Variants in MACROD2 observed in about 807,000 individuals in gnomAD.
MACROD2 encodes the protein ADP-ribose glycohydrolase MACROD2.
A neutral mutation model predicts 70.4 loss-of-function variants in MACROD2; 36 were observed. The ratio of observed to expected loss-of-function variants is 0.51; its 90% CI spans 0.39 to 0.68. The LOEUF is 0.68. Ranked by LOEUF, MACROD2 falls within the 30% of genes least tolerant of loss-of-function variation. The pLI is 0.00. For missense variants in MACROD2, 496 were observed against 538.4 expected (o/e 0.92, Z 0.78); for synonymous variants, 172 against 178.8 (o/e 0.96, Z 0.30).
chr20:13,998,758 A>G (rs2052694880), intron 1 of MACROD2, among the ~76,000 whole-genome samples: 1 of 151,914 alleles, frequency 6.6e-6, no homozygotes, highest in Non-Finnish European at 1.5e-5. Context: ...GATTGAGACC[A>G]TCCTGGGGAA....
At chr20:15,915,682 G>C (rs73103542) in intron 10 of MACROD2, among the ~76,000 whole-genome samples, 20,735 of 152,188 alleles carry the variant, frequency 0.14, 1,571 homozygotes, top group South Asian at 0.28. Context: ...GGGTGTGGGG[G>C]TGTAGGGAGG....
intron 3 of MACROD2, among the ~76,000 whole-genome samples, chr20:14,393,974 G>A (rs982701856): frequency 6.6e-6 from 1 of 152,248 alleles, no homozygotes; most frequent in East Asian, 1.9e-4. Context: ...CAGGAAGAGG[G>A]CCGTCACTAA....
chr20:14,264,594 T>A (rs1258183946), intron 3 of MACROD2, among the ~76,000 whole-genome samples: 10 of 152,132 alleles, frequency 6.6e-5, no homozygotes, highest in Admixed American at 3.9e-4. Context: ...GTGATACACT[T>A]GATATGTGTC....
rs543262297 is a variant in MACROD2, at chr20:15,023,438, A to C, written c.419-206502A>C. 1.2e-3 allele frequency among the ~76,000 whole-genome samples: 190 copies of C among 152,198 alleles called. 1 individual carries two copies. The highest frequency in any genetic ancestry group is 4.1e-3 in the African/African-American group (171 of 41,538). On this transcript the variant is annotated intron_variant, in intron 5 of 17. Coordinates refer to ENST00000684519, the MANE Select transcript of MACROD2 (RefSeq NM_001351661.2). The stretch of plus-strand genomic sequence containing the variant: ...CCAGAGAGGGCATGCTTTCCTAATC[A>C]CATAGAAGCAGCACGGGCTAGGCTG...
At chr20:15,128,667 G>C (rs1264078385) in intron 5 of MACROD2, among the ~76,000 whole-genome samples, 1 of 152,022 alleles carries the variant, frequency 6.6e-6, no homozygotes, top group Admixed American at 6.6e-5. Context: ...GCTTTTGAAA[G>C]TAATTATTCT....
At chr20:14,468,802 G>A (rs1185535013) in intron 3 of MACROD2, among the ~76,000 whole-genome samples, 5 of 152,140 alleles carry the variant, frequency 3.3e-5, no homozygotes, top group South Asian at 2.1e-4. Context: ...GAGCTGTCAC[G>A]CCCAGCCTCT....
At chr20:15,291,657 C>T (rs2077541810) in intron 6 of MACROD2, among the ~76,000 whole-genome samples, 1 of 151,892 alleles carries the variant, frequency 6.6e-6, no homozygotes, top group South Asian at 2.1e-4. Context: ...TGCAGGTGCA[C>T]AGGAAATGAA....
At chr20:15,498,713 G>T (rs1425276520) in intron 7 of MACROD2, among the ~76,000 whole-genome samples, 1 of 152,108 alleles carries the variant, frequency 6.6e-6, no homozygotes, top group African/African-American at 2.4e-5. Context: ...TTTGTTTTGG[G>T]ATGATAAAAA....
At chr20:14,927,417 C>T (rs572876655) in intron 5 of MACROD2, among the ~76,000 whole-genome samples, 2 of 152,248 alleles carry the variant, frequency 1.3e-5, no homozygotes, top group Non-Finnish European at 2.9e-5. Context: ...CTGCTATTAC[C>T]CACATATTGT....
chr20:14,183,655 C>T (rs969555070), intron 3 of MACROD2, among the ~76,000 whole-genome samples: 7 of 152,106 alleles, frequency 4.6e-5, no homozygotes, highest in Admixed American at 2.0e-4. Flanking sequence ...ATAAATTATA[C>T]AGTGTATAAG....
At chr20:15,962,786 T>C (rs1426783139) in intron 12 of MACROD2, among the ~76,000 whole-genome samples, 1 of 152,194 alleles carries the variant, frequency 6.6e-6, no homozygotes, top group Non-Finnish European at 1.5e-5. Flanking sequence ...TGACCAACTA[T>C]AGCTCATTTG....
At chr20:14,243,937 A>G (rs2081948899) in intron 3 of MACROD2, among the ~76,000 whole-genome samples, 1 of 152,226 alleles carries the variant, frequency 6.6e-6, no homozygotes, top group Non-Finnish European at 1.5e-5. Context: ...GGCCAGGGCA[A>G]AAACTACATC....
intron 4 of MACROD2, among the ~76,000 whole-genome samples, chr20:14,627,536 G>C (rs745814981): frequency 1.3e-5 from 2 of 152,058 alleles, no homozygotes; most frequent in Non-Finnish European, 2.9e-5. Flanking sequence ...ATTGTTCCTG[G>C]GAATACTCCT....
chr20:15,390,168 T>C (rs1407708373), intron 6 of MACROD2, among the ~76,000 whole-genome samples: 1 of 152,164 alleles, frequency 6.6e-6, no homozygotes, highest in Non-Finnish European at 1.5e-5. Context: ...AAGAGAATGA[T>C]GAAGGAGCTC....
intron 6 of MACROD2, among the ~76,000 whole-genome samples, chr20:15,322,404 T>C (rs2077883106): frequency 7.0e-6 from 1 of 143,528 alleles, no homozygotes; most frequent in Admixed American, 7.0e-5. Context: ...GAGCCACAAA[T>C]AATAAAAAAT....
chr20:15,849,500 G>A (rs571747331), intron 8 of MACROD2, among the ~76,000 whole-genome samples: 17 of 152,260 alleles, frequency 1.1e-4, no homozygotes, highest in African/African-American at 2.4e-4. Flanking sequence ...ACCAGGCTGC[G>A]GAGCCACCTT....
In MACROD2 at chr20:15,955,121, G is replaced by A. The variant is rs73597729; in HGVS notation, c.908-12432G>A. On this transcript the variant is annotated intron_variant, in intron 12 of 17. Coordinates refer to ENST00000684519, the MANE Select transcript of MACROD2 (RefSeq NM_001351661.2). ...GAGAATATGAGATTTGGGCTGGGAT[G>A]TGAAGGGTGTGCAAATGGAAGGTAT... is the stretch of plus-strand genomic sequence containing the variant. Among the ~76,000 whole-genome samples, 332 of 152,284 alleles carry A rather than the reference G, an allele frequency of 2.2e-3. 1 individual carries two copies. The South Asian group carries it at 0.023, about 11-fold the overall frequency.
chr20:14,986,751 C>A (rs574513040), intron 5 of MACROD2, among the ~76,000 whole-genome samples: 8 of 152,156 alleles, frequency 5.3e-5, no homozygotes, highest in African/African-American at 1.9e-4. Context: ...CAGGGCTCAC[C>A]CTGGCAAAAT....
chr20:14,155,984 A>C (rs2055096941), intron 3 of MACROD2, among the ~76,000 whole-genome samples: 1 of 152,084 alleles, frequency 6.6e-6, no homozygotes. Flanking sequence ...CAGCATGGCA[A>C]AATCCTGTGT....
Sources: gnomAD v4.1 joint callset for allele counts (sites outside exome capture counted in the v4.1 genomes callset) on GRCh38, gnomAD v4.1.1 for gene constraint, MANE v1.5 for transcripts, NCBI Gene and HGNC (gene_info 2026-07-23, HGNC 2026-07-21) for gene names.